The following A1CF variants were observed in gnomAD, a reference collection of about 807,000 sequenced individuals.
The protein encoded by A1CF is APOBEC-1 stimulating protein.
In A1CF, 48 loss-of-function variants were observed where a neutral mutation model predicts 68.9. That is an observed-to-expected ratio of 0.70 (90% CI 0.55 to 0.89). The LOEUF is 0.89. A1CF is among the 40% of genes least tolerant of loss of function. The probability of loss-of-function intolerance (pLI) is 0.00; values close to 1 mark genes in which losing one functional copy is unlikely to be tolerated. For missense variants in A1CF, 653 were observed against 718.9 expected, an observed-to-expected ratio of 0.91 and a Z score of 1.05; for synonymous variants, 272 against 260.4, an observed-to-expected ratio of 1.04 and a Z score of -0.43.
intron 1 of A1CF, among the ~76,000 whole-genome samples, chr10:50,880,128 A>T (rs373465361): frequency 6.6e-6 from 1 of 152,110 alleles, no homozygotes; most frequent in East Asian, 1.9e-4. Flanking sequence ...GGGGAACCCA[A>T]CTTGCTTTTC....
Position 50,816,416 on chromosome 10 carries a change from A to G in A1CF, c.868-137T>C, listed in dbSNP as rs2132338928. On this transcript the variant is annotated intron_variant, in intron 8 of 12. Coordinates refer to ENST00000373997, the MANE Select transcript of A1CF (RefSeq NM_014576.4). ...TATTGATTGTATCTTGTCATTTTAT[A>G]GGTTTGTTTTGTATGCCAGTTGAAC... 1.2e-5 allele frequency: 13 copies of G among 1,085,176 alleles called. 2 individuals carry two copies. The South Asian group carries it at 2.0e-4, about 17-fold the overall frequency. The allele number at this position is 1,085,176 out of a possible 1,614,324, so 67.2% of individuals were successfully genotyped here.
At chr10:50,874,976 C>CATTT (rs1841439520) in intron 1 of A1CF, among the ~76,000 whole-genome samples, 1 of 152,120 alleles carries the variant, frequency 6.6e-6, no homozygotes, top group Non-Finnish European at 1.5e-5. Flanking sequence ...TTTAAAGCTT[C>CATTT]TCAGGTGATA....
At chr10:50,875,462 A>G (rs937117147) in intron 1 of A1CF, among the ~76,000 whole-genome samples, 1 of 152,216 alleles carries the variant, frequency 6.6e-6, no homozygotes, top group African/African-American at 2.4e-5. Flanking sequence ...GACAGAGAGC[A>G]AGGAAATCTC....
chr10:50,818,341 G>A (rs983349097), intron 8 of A1CF, among the ~76,000 whole-genome samples: 8 of 151,930 alleles, frequency 5.3e-5, no homozygotes, highest in African/African-American at 1.2e-4. Context: ...CTCTATATAT[G>A]CTCAAAAACC....
intron 7 of A1CF, among the ~76,000 whole-genome samples, chr10:50,826,336 G>T (rs1448402721): frequency 6.6e-6 from 1 of 152,094 alleles, no homozygotes; most frequent in African/African-American, 2.4e-5. Flanking sequence ...TGAGAGGTCT[G>T]CATGGAATTA....
At chr10:50,821,295 C>G (rs1838659885) in intron 7 of A1CF, among the ~76,000 whole-genome samples, 1 of 152,070 alleles carries the variant, frequency 6.6e-6, no homozygotes, top group South Asian at 2.1e-4. Flanking sequence ...GTCATGATAG[C>G]TAAAGATTGG....
chr10:50,856,501 A>G (rs1278431425), intron 3 of A1CF, among the ~76,000 whole-genome samples: 1 of 152,146 alleles, frequency 6.6e-6, no homozygotes, highest in Non-Finnish European at 1.5e-5. Flanking sequence ...ATCATGTTAC[A>G]AAGTTTAGGT....
chr10:50,883,930 G>A (rs910856980), intron 1 of A1CF, among the ~76,000 whole-genome samples: 5 of 152,178 alleles, frequency 3.3e-5, no homozygotes, highest in African/African-American at 1.2e-4. Flanking sequence ...TGTTATAATA[G>A]TATCACACCA....
At position 50,800,272 on chromosome 10, in the gene A1CF, C is replaced by T. The variant is rs1356208420; in HGVS notation, c.*6457G>A. 2 of 152,030 alleles carry T rather than the reference C, an allele frequency of 1.3e-5. No individual in the cohort carries two copies. Among genetic ancestry groups the T allele is most frequent in the Non-Finnish European group, 2.9e-5 (2 of 67,958 alleles). The allele number at this position is 152,030 out of a possible 1,614,324, so 9.4% of individuals were successfully genotyped here. ...TGGACCTCTAACTAACCTTTTTCTC[C>T]TTCTATTTTTGCATAGTCCTTTATA... On this transcript the variant is annotated 3_prime_UTR_variant, in exon 13 of 13. Transcript: ENST00000373997.
At chr10:50,866,104 C>G (rs1228938598) in intron 1 of A1CF, among the ~76,000 whole-genome samples, 3 of 152,174 alleles carry the variant, frequency 2.0e-5, no homozygotes. Flanking sequence ...CTTATTATTT[C>G]TCTTTTTCCA....
At chr10:50,835,845 G>A (rs374973846) in intron 6 of A1CF, among the ~76,000 whole-genome samples, 77 of 152,170 alleles carry the variant, frequency 5.1e-4, no homozygotes, top group African/African-American at 1.7e-3. Flanking sequence ...AAAGTTCTGG[G>A]TTTCTTTAGT....
At chr10:50,871,742 G>A (rs1841277617) in intron 1 of A1CF, among the ~76,000 whole-genome samples, 1 of 151,898 alleles carries the variant, frequency 6.6e-6, no homozygotes, top group African/African-American at 2.4e-5. Flanking sequence ...AAAATAAAGT[G>A]GGCATATCAC....
At chr10:50,861,002 C>T (rs1432337984) in intron 2 of A1CF, among the ~76,000 whole-genome samples, 1 of 152,104 alleles carries the variant, frequency 6.6e-6, no homozygotes. Context: ...TGATCTGAAT[C>T]AAATGCAACT....
intron 3 of A1CF, chr10:50,850,735 G>A (rs1840202202): frequency 1.2e-6 from 2 of 1,614,134 alleles, no homozygotes; most frequent in Non-Finnish European, 1.7e-6. Flanking sequence ...AGGAATTGCT[G>A]TGCTCATGCT....
chr10:50,816,336 G>A, intron 8 of A1CF, 57 bp from the exon 9 acceptor site: 3 of 1,562,346 alleles, frequency 1.9e-6, no homozygotes, highest in Non-Finnish European at 1.8e-6. Flanking sequence ...AACCAAGTGT[G>A]GCTGAGCCCT....
intron 12 of A1CF, among the ~76,000 whole-genome samples, chr10:50,808,263 A>G (rs968450657): frequency 2.6e-5 from 4 of 152,198 alleles, no homozygotes; most frequent in African/African-American, 9.6e-5. Context: ...GCAAAGTTAT[A>G]AGAGAGGCTC....
chr10:50,837,860 T>C (rs1210321836), intron 5 of A1CF, among the ~76,000 whole-genome samples: 1 of 152,158 alleles, frequency 6.6e-6, no homozygotes, highest in East Asian at 1.9e-4. Flanking sequence ...AGTTCACAAT[T>C]GGCTGCTAGG....
intron 6 of A1CF, among the ~76,000 whole-genome samples, chr10:50,829,297 A>G (rs775016433): frequency 1.3e-5 from 2 of 152,082 alleles, no homozygotes; most frequent in East Asian, 1.9e-4. Flanking sequence ...TGAAGTGATG[A>G]GAGGAGAGTG....
Position 50,856,577 on chromosome 10 carries a change from A to C in A1CF, c.99+3265T>G, listed in dbSNP as rs374100802. 3.5e-4 allele frequency among the ~76,000 whole-genome samples: 53 copies of C among 152,250 alleles called. 2 individuals are homozygous for C. In the South Asian group the frequency reaches 9.9e-3, roughly 29 times the overall value. On this transcript the variant is annotated intron_variant, in intron 3 of 12. Transcript: ENST00000373997. ...CTAAAATTGCAATCTTAAAAGTCAC[A>C]TTATAACAACTCTCAGTTTTCTGAG...
Sources: gnomAD v4.1 joint callset for allele counts (sites outside exome capture counted in the v4.1 genomes callset) on GRCh38, gnomAD v4.1.1 for gene constraint, MANE v1.5 for transcripts, NCBI Gene and HGNC (gene_info 2026-07-23, HGNC 2026-07-21) for gene names.